ITGA3: variants seen among roughly 807,000 people sequenced by gnomAD.
ITGA3 encodes the protein integrin alpha-3.
A neutral mutation model predicts 131.1 loss-of-function variants in ITGA3; 70 were observed. The observed-to-expected ratio is 0.53, with a 90% confidence interval of 0.44 to 0.65. The LOEUF (loss-of-function observed/expected upper bound fraction) is 0.65. Among genes scored for constraint, ITGA3 ranks in the 30% least tolerant of loss-of-function variants. The probability of loss-of-function intolerance (pLI) is 0.00; values close to 1 mark genes in which losing one functional copy is unlikely to be tolerated. For synonymous variants in ITGA3, 537 were observed against 571.6 expected, an observed-to-expected ratio of 0.94 and a Z score of 0.86; for missense variants, 1,098 against 1,388.6, an observed-to-expected ratio of 0.79 and a Z score of 3.33.
chr17:50,080,793 G>C (rs1423348865), intron 22 of ITGA3, among the ~76,000 whole-genome samples: 1 of 152,054 alleles, frequency 6.6e-6, no homozygotes, highest in Non-Finnish European at 1.5e-5. Flanking sequence ...TTTCTCAGAA[G>C]CCACACATGC....
chr17:50,078,746 C>T, intron 18 of ITGA3, 78 bp from the exon 19 acceptor site: 2 of 804,066 alleles, frequency 2.5e-6, no homozygotes, highest in Non-Finnish European at 4.3e-6. Context: ...TATAGTTAGC[C>T]AGCTTTGGTG....
At chr17:50,063,306 C>T (rs1434192218) in intron 1 of ITGA3, among the ~76,000 whole-genome samples, 1 of 152,200 alleles carries the variant, frequency 6.6e-6, no homozygotes, top group Non-Finnish European at 1.5e-5. Context: ...GTGTCAGGTA[C>T]TTATCCCAAC....
At chr17:50,076,738 A>T in intron 14 of ITGA3, 57 bp downstream of exon 14, 1 of 1,180,978 alleles carries the variant, frequency 8.5e-7, no homozygotes, top group Non-Finnish European at 1.3e-6. Context: ...GGCCTCATTA[A>T]CTGGCAGGGT....
In ITGA3 at chr17:50,071,345, C is replaced by T. The variant is rs1400333171; in HGVS notation, c.786C>T (p.His262=). The T allele has an allele frequency of 3.1e-6, 5 of 1,614,016 alleles. No individual in the cohort carries two copies. The highest frequency in any genetic ancestry group is 1.3e-5 in the African/African-American group (1 of 74,944). The change falls in exon 6 of 26, where the codon CAC becomes CAT. Residue 262 remains histidine (H), a synonymous_variant. Transcript: ENST00000320031. Reference sequence around the variant, plus strand: ...TGCAGGTAGGCAGCTTCATCCTGCACCCCAAAAACATCACCATTGTGACAG... The same window carrying T: ...TGCAGGTAGGCAGCTTCATCCTGCATCCCAAAAACATCACCATTGTGACAG... ...YTMQVGSFIL[H]PKNITIVTGA...
chr17:50,076,940 G>A (rs1908936503), intron 14 of ITGA3, 34 bp from the exon 15 acceptor site: 7 of 1,581,962 alleles, frequency 4.4e-6, no homozygotes, highest in African/African-American at 1.3e-5. Context: ...CTGGGGGCGG[G>A]GCTCTTGGCT....
At chr17:50,078,582 T>A (rs1283573829) in intron 18 of ITGA3, among the ~76,000 whole-genome samples, 1 of 152,198 alleles carries the variant, frequency 6.6e-6, no homozygotes, top group East Asian at 1.9e-4. Context: ...CTCAATGACT[T>A]CTCACAGCAG....
At chr17:50,061,328 G>T (rs1908067379) in intron 1 of ITGA3, among the ~76,000 whole-genome samples, 1 of 152,052 alleles carries the variant, frequency 6.6e-6, no homozygotes. Flanking sequence ...TGCCTGCTCA[G>T]TACCTTGGGA....
chr17:50,088,001 CT>C, intron 24 of ITGA3, 132 bp downstream of exon 24: 1 of 1,336,916 alleles, frequency 7.5e-7, no homozygotes, highest in Non-Finnish European at 1.0e-6. Context: ...TCCTCTCCAC[CT>C]TCTACCACCA....
intron 23 of ITGA3, 128 bp downstream of exon 23, chr17:50,081,536 T>C: frequency 1.4e-6 from 1 of 718,042 alleles, no homozygotes; most frequent in Non-Finnish European, 2.4e-6. Flanking sequence ...TAAGAGTATC[T>C]GGAGGAGTTC....
At chr17:50,076,781 G>C in intron 14 of ITGA3, 100 bp downstream of exon 14, 1 of 1,250,778 alleles carries the variant, frequency 8.0e-7, no homozygotes, top group Non-Finnish European at 1.2e-6. Context: ...GCGAGCCCAG[G>C]GACAGGGCTT....
chr17:50,056,713 C>T lies in ITGA3; in HGVS notation c.206+68C>T. The T allele has an allele frequency of 1.4e-6, 2 of 1,478,674 alleles. No homozygotes were observed. The highest frequency in any genetic ancestry group is 2.5e-5 in the East Asian group (1 of 39,874). 91.6% of individuals were successfully genotyped at this position (1,478,674 alleles called of 1,614,324 possible). A position where few individuals can be genotyped will look rare whatever the true frequency, so the allele number is the denominator to read the frequency against. On this transcript the variant is annotated intron_variant, in intron 1 of 25. Coordinates refer to ENST00000320031, the MANE Select transcript of ITGA3 (RefSeq NM_002204.4). The surrounding 1 kb of genome is among the most constrained non-coding windows in gnomAD (Gnocchi z 5.6). The stretch of plus-strand genomic sequence containing the variant: ...GCGAGCGCGGGATGCGGGTCCGGAG[C>T]TGAGTCGGAGCCCAGGGCAGCTGGC...
In ITGA3 at chr17:50,087,986, C is replaced by G. The variant is rs1909539328; in HGVS notation, c.3045+117C>G. On this transcript the variant is annotated intron_variant, in intron 24 of 25. Transcript: ENST00000320031. The stretch of plus-strand genomic sequence containing the variant: ...CTTCCATCTCACCCCCACCCTTCCT[C>G]CCTGTCCTCTCCACCTTCTACCACC... 5 of 1,381,116 alleles carry G rather than the reference C, an allele frequency of 3.6e-6. No homozygotes were observed. In the East Asian group the frequency reaches 1.3e-4, roughly 35 times the overall value. 85.6% of individuals were successfully genotyped at this position (1,381,116 alleles called of 1,614,324 possible).
chr17:50,087,882 GCCCACTCCTGCT>G lies in ITGA3; in HGVS notation c.3045+16_3045+27del. 6.4e-7 allele frequency: 1 copy of G among 1,556,418 alleles called. No homozygotes were observed. Among genetic ancestry groups the G allele is most frequent in the Middle Eastern group, 2.2e-4 (1 of 4,492 alleles). ...CCTGCTGTGGAAGGTTAGTAGCCCA[GCCCACTCCTGCT>G]CCGGGACCTCCACCAGCACACTCAC... is the stretch of plus-strand genomic sequence containing the variant. On this transcript the variant is annotated intron_variant, in intron 24 of 25. Transcript: ENST00000320031.
At chr17:50,082,440 G>A (rs1909228420) in intron 23 of ITGA3, among the ~76,000 whole-genome samples, 1 of 152,074 alleles carries the variant, frequency 6.6e-6, no homozygotes, top group Non-Finnish European at 1.5e-5. Flanking sequence ...GCCTCCCAAA[G>A]TGCTGGGATT....
At chr17:50,078,712 T>C in intron 18 of ITGA3, 112 bp from the exon 19 acceptor site, 2 of 689,028 alleles carry the variant, frequency 2.9e-6, no homozygotes, top group Non-Finnish European at 5.2e-6. Flanking sequence ...AGGTTTCTAT[T>C]GAGGTGACTG....
chr17:50,079,404 C>T, intron 20 of ITGA3, 31 bp from the exon 21 acceptor site: 2 of 1,548,166 alleles, frequency 1.3e-6, no homozygotes, highest in African/African-American at 2.7e-5. Context: ...CTTCCTCTGC[C>T]CTGCCAGCAA....
At chr17:50,088,071 AC>A in intron 24 of ITGA3, 153 bp from the exon 25 acceptor site, 1 of 1,234,532 alleles carries the variant, frequency 8.1e-7, no homozygotes, top group Non-Finnish European at 1.1e-6. Context: ...GGAAAGGGGG[AC>A]CCAGGAGCTC....
Position 50,076,742 on chromosome 17 carries a change from G to A in ITGA3, c.1922+61G>A, listed in dbSNP as rs529194451. 11 of 1,417,856 alleles carry A rather than the reference G, an allele frequency of 7.8e-6. No homozygotes were observed. In the African/African-American group the frequency reaches 1.3e-4, roughly 16 times the overall value. 87.8% of individuals were successfully genotyped at this position (1,417,856 alleles called of 1,614,324 possible). On this transcript the variant is annotated intron_variant, in intron 14 of 25. Coordinates refer to ENST00000320031, the MANE Select transcript of ITGA3 (RefSeq NM_002204.4). ...GGGTGGGACGGGGCCTCATTAACTGGCAGGGTGGGGGCGGGGCCTCATGGC... is the reference window on the plus strand; with the variant it reads ...GGGTGGGACGGGGCCTCATTAACTGACAGGGTGGGGGCGGGGCCTCATGGC...
chr17:50,079,610 G>T, intron 21 of ITGA3, 53 bp downstream of exon 21: 1 of 1,460,572 alleles, frequency 6.8e-7, no homozygotes, highest in Non-Finnish European at 9.1e-7. Flanking sequence ...ATCACAGGGT[G>T]CCTGGGCACC....
Sources: allele counts gnomAD v4.1 joint callset (sites outside exome capture counted in the v4.1 genomes callset), GRCh38; gene constraint gnomAD v4.1.1; non-coding constraint Gnocchi (gnomAD v3.1); transcripts MANE v1.5; gene names NCBI Gene and HGNC (gene_info 2026-07-23, HGNC 2026-07-21).